Variants in WNT3A observed in about 807,000 individuals in gnomAD.
The protein encoded by WNT3A is protein Wnt-3a.
WNT3A carries 17 observed loss-of-function variants against 37.0 expected under a neutral mutation model. The observed-to-expected ratio is 0.46, with a 90% CI of 0.31 to 0.69. The LOEUF is 0.69. Among genes scored for constraint, WNT3A ranks in the 30% least tolerant of loss-of-function variants. The pLI, the probability that WNT3A is intolerant of heterozygous loss-of-function variation, is 0.05. For missense variants in WNT3A, 411 were observed against 510.2 expected (o/e 0.81, Z 1.87); for synonymous variants, 187 against 211.0 (o/e 0.89, Z 0.99).
Position 228,007,078 on chromosome 1 carries a change from G to A in WNT3A, c.-51G>A, listed in dbSNP as rs766409396. 2.8e-6 allele frequency: 4 copies of A among 1,420,164 alleles called. No individual in the cohort carries two copies. The highest frequency in any genetic ancestry group is 2.4e-5 in the Admixed American group (1 of 41,062). The allele number at this position is 1,420,164 out of a possible 1,614,324, so 88.0% of individuals were successfully genotyped here. On this transcript the variant is annotated 5_prime_UTR_variant, in exon 1 of 4. Coordinates refer to ENST00000284523, the MANE Select transcript of WNT3A (RefSeq NM_033131.4). This position sits in a 1 kb window ranked among gnomAD's most constrained non-coding sequence, Gnocchi z 6.0. ...CTCCCAGGGCCCGGCCCCCCCCGGC[G>A]CTCACGCTCTCGGGGCGGACTCCCG...
intron 1 of WNT3A, among the ~76,000 whole-genome samples, chr1:228,013,143 G>A (rs944918398): frequency 2.0e-5 from 3 of 152,168 alleles, no homozygotes; most frequent in Non-Finnish European, 2.9e-5. Flanking sequence ...GACCTCCTGG[G>A]CTCCAGCAGT....
chr1:228,056,830 C>T lies in WNT3A; in HGVS notation c.580-2156C>T, dbSNP rs140370437. Among the ~76,000 whole-genome samples the T allele has an allele frequency of 2.4e-4, 36 of 152,242 alleles. No homozygotes were observed. The East Asian group carries it at 6.4e-3, about 27-fold the overall frequency. ...GGAATCAAAATAGTACCAGACTTTT[C>T]GGGAGCAATAATGAAAGCTAGAAGA... On this transcript the variant is annotated intron_variant, in intron 3 of 3. Transcript: ENST00000284523.
intron 3 of WNT3A, among the ~76,000 whole-genome samples, chr1:228,055,182 ATATATATATATATATATATATATATAT>A (rs2031657991): frequency 6.5e-4 from 17 of 26,106 alleles, no homozygotes; most frequent in Non-Finnish European, 1.0e-3. Flanking sequence ...AAAAAAAAAT[ATATATATATATATATATATATATATAT>A]ATATATATAT....
At chr1:228,018,932 C>T (rs897207295) in intron 1 of WNT3A, among the ~76,000 whole-genome samples, 1 of 152,330 alleles carries the variant, frequency 6.6e-6, no homozygotes, top group South Asian at 2.1e-4. Flanking sequence ...TGGAGGGGCC[C>T]TCTGGTCCAC....
chr1:228,049,247 G>A (rs1017377219), intron 2 of WNT3A, among the ~76,000 whole-genome samples: 15 of 152,266 alleles, frequency 9.9e-5, no homozygotes, highest in African/African-American at 2.4e-4. Context: ...AGAGGTGGGC[G>A]GTGTGTGGGG....
At chr1:228,040,971 TTA>T (rs4065965) in intron 2 of WNT3A, among the ~76,000 whole-genome samples, 19,577 of 137,860 alleles carry the variant, frequency 0.14, 1,407 homozygotes, top group East Asian at 0.2. Context: ...GGTAGATATT[TTA>T]TATATATATA....
Position 228,050,743 on chromosome 1 carries a change from C to T in WNT3A, c.401C>T (p.Ala134Val). The T allele has an allele frequency of 2.5e-6, 4 of 1,614,154 alleles. No homozygotes were observed. The highest frequency in any genetic ancestry group is 3.4e-6 in the Non-Finnish European group (4 of 1,180,032). The change falls in exon 3 of 4, where the codon GCC (alanine) becomes GTC (valine). Residue 134 changes from alanine (A) to valine (V), a missense_variant. Ala to Val is a moderately conservative substitution (Grantham distance 64). Coordinates refer to ENST00000284523, the MANE Select transcript of WNT3A (RefSeq NM_033131.4). This position sits in a 1 kb window ranked among gnomAD's most constrained non-coding sequence, Gnocchi z 5.0. ...VTRSCAEGTA[A>V]ICGCSSRHQG... ...CGCTCATGTGCAGAAGGCACGGCCG[C>T]CATCTGTGGCTGCAGCAGCCGCCAC...
chr1:228,036,382 T>C (rs1019965682), intron 2 of WNT3A, among the ~76,000 whole-genome samples: 2 of 152,014 alleles, frequency 1.3e-5, no homozygotes, highest in Non-Finnish European at 2.9e-5. Flanking sequence ...TGTGCATGTG[T>C]GTGTGTGTGT....
At chr1:228,035,699 G>T (rs943669427) in intron 2 of WNT3A, among the ~76,000 whole-genome samples, 9 of 152,200 alleles carry the variant, frequency 5.9e-5, no homozygotes, top group African/African-American at 1.9e-4. Context: ...CTGCCCTAAG[G>T]TGCCAGCGTT....
intron 1 of WNT3A, among the ~76,000 whole-genome samples, chr1:228,021,840 C>T (rs2030715394): frequency 1.3e-5 from 2 of 152,222 alleles, no homozygotes; most frequent in African/African-American, 2.4e-5. Flanking sequence ...CCACCTGACC[C>T]GGTCCCCAGC....
Position 228,039,989 on chromosome 1 carries a change from C to A in WNT3A, c.314-10667C>A, listed in dbSNP as rs1426199850. ...AGGCATGTCCCAGGAGCCCAGGAGT[C>A]CCAGGCTGTCCCTCTCCTCTCGCCC... is the stretch of plus-strand genomic sequence containing the variant. On this transcript the variant is annotated intron_variant, in intron 2 of 3. Transcript: ENST00000284523. The surrounding 1 kb of genome is among the most constrained non-coding windows in gnomAD (Gnocchi z 4.1). Among the ~76,000 whole-genome samples, 2 of 152,190 alleles carry A rather than the reference C, an allele frequency of 1.3e-5. No homozygotes were observed. Among genetic ancestry groups the A allele is most frequent in the Non-Finnish European group, 2.9e-5 (2 of 68,024 alleles).
intron 1 of WNT3A, among the ~76,000 whole-genome samples, chr1:228,021,180 C>T (rs1259719732): frequency 6.6e-6 from 1 of 152,222 alleles, no homozygotes; most frequent in Non-Finnish European, 1.5e-5. Context: ...ATGACAGGCA[C>T]ATTCCCTATC....
At position 228,060,083 on chromosome 1, in the gene WNT3A, A is replaced by G. The variant is rs1357947190; in HGVS notation, c.*618A>G. The G allele has an allele frequency of 8.1e-7, 1 of 1,234,980 alleles. No homozygotes were observed. The highest frequency in any genetic ancestry group is 1.0e-6 in the Non-Finnish European group (1 of 962,282). The allele number at this position is 1,234,980 out of a possible 1,614,324, so 76.5% of individuals were successfully genotyped here. ...GGCTCTGGGTGGGCGTGGCCTGCAT[A>G]GGCTCCTTCCTGTGGGTGGGGCTTC... On this transcript the variant is annotated 3_prime_UTR_variant, in exon 4 of 4. Coordinates refer to ENST00000284523, the MANE Select transcript of WNT3A (RefSeq NM_033131.4).
chr1:228,043,013 A>AGATGGATGGATGGATGGATG (rs537700236), intron 2 of WNT3A, among the ~76,000 whole-genome samples: 9 of 149,736 alleles, frequency 6.0e-5, no homozygotes, highest in African/African-American at 2.2e-4. Flanking sequence ...GGTAATGGAT[A>AGATGGATGGATGGATGGATG]GATGGATGGA....
Position 228,008,410 on chromosome 1 carries a change from C to G in WNT3A, c.71+1211C>G, listed in dbSNP as rs552738554. Among the ~76,000 whole-genome samples the G allele has an allele frequency of 6.6e-6, 1 of 152,160 alleles. No individual in the cohort carries two copies. The highest frequency in any genetic ancestry group is 1.5e-5 in the Non-Finnish European group (1 of 68,024). On this transcript the variant is annotated intron_variant, in intron 1 of 3. Coordinates refer to ENST00000284523, the MANE Select transcript of WNT3A (RefSeq NM_033131.4). The surrounding 1 kb of genome is among the most constrained non-coding windows in gnomAD (Gnocchi z 4.9). ...TCGAGATGGTTCAGGAGCGGGGGCTCCCGCGGTAGGGGCGCCGGGCCAGGA... is the reference window on the plus strand; with the variant it reads ...TCGAGATGGTTCAGGAGCGGGGGCTGCCGCGGTAGGGGCGCCGGGCCAGGA...
intron 3 of WNT3A, among the ~76,000 whole-genome samples, chr1:228,052,215 C>T (rs2031570137): frequency 6.6e-6 from 1 of 152,206 alleles, no homozygotes; most frequent in South Asian, 2.1e-4. Flanking sequence ...ACCATCTCAG[C>T]TCACTGCAGC....
chr1:228,046,107 G>A (rs1419503717), intron 2 of WNT3A, among the ~76,000 whole-genome samples: 1 of 152,240 alleles, frequency 6.6e-6, no homozygotes, highest in African/African-American at 2.4e-5. Context: ...ACCGGAAAGA[G>A]CCCGAGGGGA....
intron 2 of WNT3A, 28 bp downstream of exon 2, chr1:228,022,936 A>G (rs1297689214): frequency 1.3e-6 from 2 of 1,580,340 alleles, no homozygotes; most frequent in South Asian, 1.2e-5. Context: ...GGGAGGGCAG[A>G]TGAGTCTGGA....
chr1:228,011,520 CCT>C (rs987642824), intron 1 of WNT3A, among the ~76,000 whole-genome samples: 1 of 152,208 alleles, frequency 6.6e-6, no homozygotes, highest in African/African-American at 2.4e-5. Flanking sequence ...TCAGTTTCTC[CCT>C]GTCTGTCTCT....
Sources: gnomAD v4.1 joint callset for allele counts (sites outside exome capture counted in the v4.1 genomes callset) on GRCh38, gnomAD v4.1.1 for gene constraint, Gnocchi (gnomAD v3.1) non-coding constraint, MANE v1.5 for transcripts, NCBI Gene and HGNC (gene_info 2026-07-23, HGNC 2026-07-21) for gene names.